The following NFKB1 variants were observed in gnomAD, a reference collection of about 807,000 sequenced individuals.
NFKB1 encodes nuclear factor kappa B subunit 1, also known as nuclear factor NF-kappa-B p105 subunit.
In NFKB1, 9 loss-of-function variants were observed where a neutral mutation model predicts 105.1. The ratio of observed to expected loss-of-function variants is 0.09; its 90% CI spans 0.05 to 0.15. The LOEUF (loss-of-function observed/expected upper bound fraction) is 0.15, where lower values mean the gene tolerates loss of function less well. Among genes scored for constraint, NFKB1 ranks in the 10% least tolerant of loss-of-function variants. The probability of loss-of-function intolerance (pLI) is 1.00; values close to 1 mark genes in which losing one functional copy is unlikely to be tolerated. For missense variants in NFKB1, 830 were observed against 1,203.7 expected (o/e 0.69, Z 4.59); for synonymous variants, 440 against 442.2 (o/e 1.00, Z 0.06).
intron 15 of NFKB1, among the ~76,000 whole-genome samples, chr4:102,600,185 A>G (rs981319814): frequency 6.6e-6 from 1 of 152,210 alleles, no homozygotes; most frequent in Non-Finnish European, 1.5e-5. Flanking sequence ...TGAGGATGTC[A>G]GGTTTGAACT....
intron 5 of NFKB1, among the ~76,000 whole-genome samples, chr4:102,557,510 C>T (rs921445183): frequency 1.3e-5 from 2 of 152,166 alleles, no homozygotes; most frequent in Non-Finnish European, 2.9e-5. Context: ...ATCAGGACTA[C>T]CCCTGATAAA....
At chr4:102,523,802 T>C (rs1740721315) in intron 1 of NFKB1, among the ~76,000 whole-genome samples, 1 of 152,152 alleles carries the variant, frequency 6.6e-6, no homozygotes, top group Non-Finnish European at 1.5e-5. Context: ...TCAAGGGCCT[T>C]AAGCCCAGAC....
chr4:102,594,357 G>A (rs1726428257), intron 12 of NFKB1, among the ~76,000 whole-genome samples: 1 of 152,040 alleles, frequency 6.6e-6, no homozygotes. Context: ...GATTACTTTT[G>A]TAAATTAGAG....
At chr4:102,611,368 T>C (rs1027265232) in intron 20 of NFKB1, among the ~76,000 whole-genome samples, 1 of 152,204 alleles carries the variant, frequency 6.6e-6, no homozygotes, top group African/African-American at 2.4e-5. Flanking sequence ...GTTCTCCCTT[T>C]ATGTTAGCAC....
intron 1 of NFKB1, among the ~76,000 whole-genome samples, chr4:102,515,402 G>A (rs771281615): frequency 1.2e-4 from 18 of 152,194 alleles, no homozygotes; most frequent in Non-Finnish European, 1.5e-4. Context: ...GAGCCACCGC[G>A]CCCGGCCCCA....
chr4:102,526,711 A>G (rs1258657540), intron 2 of NFKB1, among the ~76,000 whole-genome samples: 1 of 152,216 alleles, frequency 6.6e-6, no homozygotes, highest in Non-Finnish European at 1.5e-5. Context: ...GGGATGAGTC[A>G]AAAATATTCA....
At chr4:102,542,313 A>G (rs1442322410) in intron 5 of NFKB1, among the ~76,000 whole-genome samples, 1 of 152,176 alleles carries the variant, frequency 6.6e-6, no homozygotes, top group Non-Finnish European at 1.5e-5. Context: ...CATAGCTAAG[A>G]AGAAAATTTC....
chr4:102,559,522 A>G (rs886370083), intron 5 of NFKB1, among the ~76,000 whole-genome samples: 1 of 152,156 alleles, frequency 6.6e-6, no homozygotes, highest in African/African-American at 2.4e-5. Context: ...CCAAGGGAGT[A>G]GCAGTGAAGG....
intron 1 of NFKB1, among the ~76,000 whole-genome samples, chr4:102,523,309 T>C (rs1740686217): frequency 6.6e-6 from 1 of 152,236 alleles, no homozygotes; most frequent in Admixed American, 6.5e-5. Flanking sequence ...TTTCTTGTTT[T>C]AGACAAATGT....
At chr4:102,530,166 A>G (rs1560645975) in intron 3 of NFKB1, among the ~76,000 whole-genome samples, 1 of 152,210 alleles carries the variant, frequency 6.6e-6, no homozygotes, top group South Asian at 2.1e-4. Flanking sequence ...TCTTTAGTCA[A>G]CATAAGGATT....
chr4:102,527,329 C>T (rs1447360689), intron 2 of NFKB1, among the ~76,000 whole-genome samples: 1 of 152,066 alleles, frequency 6.6e-6, no homozygotes, highest in East Asian at 1.9e-4. Flanking sequence ...AGGAAGTCTT[C>T]GTAAGCTGTG....
chr4:102,607,385 A>G, intron 18 of NFKB1, 66 bp downstream of exon 18: 2 of 1,551,814 alleles, frequency 1.3e-6, no homozygotes, highest in Non-Finnish European at 1.8e-6. Flanking sequence ...ATCTTTTCAA[A>G]GAAGGAAGTC....
intron 3 of NFKB1, among the ~76,000 whole-genome samples, chr4:102,533,030 G>A (rs567095687): frequency 5.3e-5 from 8 of 152,108 alleles, no homozygotes; most frequent in Middle Eastern, 3.4e-3. Context: ...TTTTCTTTGC[G>A]TTTTTACAAT....
intron 15 of NFKB1, among the ~76,000 whole-genome samples, chr4:102,599,063 A>AAAT (rs1726901520): frequency 6.6e-6 from 1 of 152,230 alleles, no homozygotes; most frequent in Non-Finnish European, 1.5e-5. Context: ...TCATCATAGA[A>AAAT]AATATAATAA....
intron 5 of NFKB1, among the ~76,000 whole-genome samples, chr4:102,538,908 G>A (rs1741812983): frequency 6.6e-6 from 1 of 152,042 alleles, no homozygotes; most frequent in African/African-American, 2.4e-5. Flanking sequence ...GTAAGTAGAT[G>A]AAGCTCAGTA....
chr4:102,511,074 A>G, intron 1 of NFKB1: 1 of 533,948 alleles, frequency 1.9e-6, no homozygotes, highest in Non-Finnish European at 2.7e-6. Flanking sequence ...GTATAGTGTG[A>G]TTTTTATTTT....
At chr4:102,526,237 T>G (rs940248997) in intron 2 of NFKB1, among the ~76,000 whole-genome samples, 6 of 152,138 alleles carry the variant, frequency 3.9e-5, no homozygotes, top group Non-Finnish European at 8.8e-5. Flanking sequence ...GGTGTCTTTT[T>G]GGGAGGGAAC....
chr4:102,539,141 G>A (rs913056174), intron 5 of NFKB1, among the ~76,000 whole-genome samples: 1 of 149,434 alleles, frequency 6.7e-6, no homozygotes, highest in African/African-American at 2.5e-5. Context: ...GGAGGCTGAG[G>A]CACAAGAATC....
chr4:102,613,398 T>A (rs1177537383), intron 22 of NFKB1, 27 bp from the exon 23 acceptor site: 2 of 1,610,084 alleles, frequency 1.2e-6, no homozygotes, highest in South Asian at 2.2e-5. Flanking sequence ...CACAAGAACA[T>A]GCTCCTCCTT....
Sources: allele counts gnomAD v4.1 joint callset (sites outside exome capture counted in the v4.1 genomes callset), GRCh38; gene constraint gnomAD v4.1.1; transcripts MANE v1.5; gene names NCBI Gene and HGNC (gene_info 2026-07-23, HGNC 2026-07-21).